Variants in TRIP4 observed in about 807,000 individuals in gnomAD.
The protein encoded by TRIP4 is thyroid hormone receptor interactor 4.
In TRIP4, 54 loss-of-function variants were observed where a neutral mutation model predicts 81.8. The ratio of observed to expected loss-of-function variants is 0.66; its 90% CI spans 0.53 to 0.83. TRIP4 has a LOEUF of 0.83. Ranked by LOEUF, TRIP4 falls within the 40% of genes least tolerant of loss-of-function variation. The probability of loss-of-function intolerance (pLI) is 0.00; values close to 1 mark genes in which losing one functional copy is unlikely to be tolerated. For synonymous variants in TRIP4, 270 were observed against 242.8 expected, an observed-to-expected ratio of 1.11 and a Z score of -1.04; for missense variants, 662 against 683.6, an observed-to-expected ratio of 0.97 and a Z score of 0.35.
chr15:64,409,918 G>C, intron 7 of TRIP4, 90 bp downstream of exon 7: 2 of 1,202,362 alleles, frequency 1.7e-6, no homozygotes, highest in South Asian at 1.5e-5. Flanking sequence ...TATTTTTGTT[G>C]ATTTAAAAAA....
At chr15:64,452,356 T>C (rs921555486) in intron 12 of TRIP4, among the ~76,000 whole-genome samples, 8 of 152,216 alleles carry the variant, frequency 5.3e-5, no homozygotes, top group South Asian at 4.1e-4. Flanking sequence ...ATATGCCTCA[T>C]TGGAGCATTT....
chr15:64,407,527 C>G (rs939494243), intron 6 of TRIP4, among the ~76,000 whole-genome samples: 1 of 151,898 alleles, frequency 6.6e-6, no homozygotes, highest in African/African-American at 2.4e-5. Flanking sequence ...ATTAGCCAAG[C>G]GTGGTGGCAG....
intron 3 of TRIP4, among the ~76,000 whole-genome samples, chr15:64,397,293 ATC>A (rs963016775): frequency 2.0e-5 from 3 of 152,094 alleles, no homozygotes; most frequent in South Asian, 2.1e-4. Flanking sequence ...GTTTCTTATG[ATC>A]TCCAATTTAG....
intron 1 of TRIP4, among the ~76,000 whole-genome samples, chr15:64,392,925 C>G (rs1160807215): frequency 1.3e-5 from 2 of 152,082 alleles, no homozygotes; most frequent in African/African-American, 2.4e-5. Context: ...AGAATATTCT[C>G]TTAGTGAGGC....
intron 11 of TRIP4, 137 bp downstream of exon 11, chr15:64,425,768 G>T: frequency 1.7e-6 from 1 of 591,216 alleles, no homozygotes; most frequent in Non-Finnish European, 2.8e-6. Flanking sequence ...CCAGCCTGGT[G>T]CATATAAATA....
At chr15:64,436,546 G>A (rs976631174) in intron 11 of TRIP4, among the ~76,000 whole-genome samples, 5 of 151,624 alleles carry the variant, frequency 3.3e-5, no homozygotes, top group African/African-American at 1.2e-4. Flanking sequence ...AGCTGAGATC[G>A]CGCTACTGCA....
At chr15:64,419,789 C>A (rs1465283622) in intron 9 of TRIP4, among the ~76,000 whole-genome samples, 2 of 152,022 alleles carry the variant, frequency 1.3e-5, no homozygotes, top group African/African-American at 4.8e-5. Flanking sequence ...CACCAAGAAA[C>A]CGCTGTTATT....
In TRIP4 at chr15:64,425,563, C is replaced by T; in HGVS notation, c.1507C>T (p.Pro503Ser). 6.2e-7 allele frequency: 1 copy of T among 1,611,746 alleles called. No homozygotes were observed. ...GKDVEFPNDYPSGCLLGCVDL... is the reference protein window; with the variant it reads ...GKDVEFPNDYSSGCLLGCVDL... Reference sequence around the variant, plus strand: ...AGATGTGGAATTTCCTAATGACTATCCGTCAGGTTGTCTTCTGGGCTGTGT... The same window carrying T: ...AGATGTGGAATTTCCTAATGACTATTCGTCAGGTTGTCTTCTGGGCTGTGT... Residue 503 changes from proline (P) to serine (S), a missense_variant, in exon 11 of 13, where the codon CCG becomes TCG. By Grantham distance (74) the Pro-to-Ser change is moderately conservative. Transcript: ENST00000261884.
chr15:64,419,316 AATAG>A (rs1596348311), intron 9 of TRIP4, among the ~76,000 whole-genome samples: 1 of 152,234 alleles, frequency 6.6e-6, no homozygotes, highest in East Asian at 1.9e-4. Context: ...AATAATATTT[AATAG>A]CTTACTATTC....
At chr15:64,444,506 T>C (rs55669608) in intron 11 of TRIP4, among the ~76,000 whole-genome samples, 3,060 of 152,346 alleles carry the variant, frequency 0.02, 108 homozygotes, top group African/African-American at 0.07. Flanking sequence ...AGCTTTTGCA[T>C]GTTCATACCT....
At chr15:64,402,203 C>T (rs990021271) in intron 5 of TRIP4, among the ~76,000 whole-genome samples, 2 of 151,718 alleles carry the variant, frequency 1.3e-5, no homozygotes, top group African/African-American at 2.4e-5. Flanking sequence ...TTGAAACACA[C>T]CTGACAAAAA....
intron 11 of TRIP4, among the ~76,000 whole-genome samples, chr15:64,435,944 C>T (rs2140307906): frequency 6.9e-6 from 1 of 144,748 alleles, no homozygotes; most frequent in South Asian, 2.2e-4. Context: ...CTTCAATAAA[C>T]CATTCTACAT....
chr15:64,425,452 A>T, intron 10 of TRIP4, 88 bp from the exon 11 acceptor site: 1 of 1,113,756 alleles, frequency 9.0e-7, no homozygotes, highest in South Asian at 1.4e-5. Flanking sequence ...AAAGTTATTA[A>T]TGTTTGTTCA....
rs1022180498 is a variant in TRIP4 at position 64,397,623 on chromosome 15, C to A, written c.423C>A (p.Asn141Lys). 1 of 1,612,332 alleles carries A rather than the reference C, an allele frequency of 6.2e-7. No homozygotes were observed. The highest frequency in any genetic ancestry group is 8.5e-7 in the Non-Finnish European group (1 of 1,178,430). ...TACGATAGGCACAAGAGAACAGCAA[C>A]TCCGTAAAGAAGAAGACAAAGTTTG... ...FDLAKAQENS[N>K]SVKKKTKFVN... The change falls in exon 4 of 13, where the codon AAC (asparagine) becomes AAA (lysine). Residue 141 changes from asparagine to lysine, a missense_variant. Transcript: ENST00000261884.
chr15:64,427,527 C>T (rs1892175302), intron 11 of TRIP4, among the ~76,000 whole-genome samples: 2 of 152,052 alleles, frequency 1.3e-5, no homozygotes, highest in Admixed American at 6.6e-5. Flanking sequence ...GGCACCACAC[C>T]ACCATGCCCA....
Position 64,406,356 on chromosome 15 carries a change from A to C in TRIP4, c.724A>C (p.Ile242Leu). Residue 242 changes from isoleucine (I) to leucine (L), a missense_variant, in exon 6 of 13, where the codon ATC (isoleucine) becomes CTC (leucine). Coordinates refer to ENST00000261884, the MANE Select transcript of TRIP4 (RefSeq NM_016213.5). ...AGTGGAGAATTCTGGAAAGGTGGAC[A>C]TCTCTACCAAGGACCTTCTTCCTCA... ...SGVENSGKVDISTKDLLPHQE... is the reference protein window; with the variant it reads ...SGVENSGKVDLSTKDLLPHQE... 1 of 1,614,138 alleles carries C rather than the reference A, an allele frequency of 6.2e-7. No individual in the cohort carries two copies. Among genetic ancestry groups the C allele is most frequent in the Non-Finnish European group, 8.5e-7 (1 of 1,180,014 alleles).
intron 1 of TRIP4, among the ~76,000 whole-genome samples, chr15:64,391,387 C>T (rs865843742): frequency 5.9e-5 from 9 of 151,858 alleles, no homozygotes; most frequent in African/African-American, 9.7e-5. Flanking sequence ...GGTCTCCTGA[C>T]CTCGTGGTCT....
chr15:64,393,859 G>T, intron 1 of TRIP4, 87 bp from the exon 2 acceptor site: 1 of 1,315,542 alleles, frequency 7.6e-7, no homozygotes. Flanking sequence ...TTAATGAATG[G>T]TTTTTACTAC....
chr15:64,434,484 A>G lies in TRIP4; in HGVS notation c.1575+8853A>G, dbSNP rs555080955. Among the ~76,000 whole-genome samples the G allele has an allele frequency of 3.3e-5, 5 of 152,146 alleles. No individual in the cohort carries two copies. The East Asian group carries it at 7.7e-4, about 24-fold the overall frequency. ...GATAGGCATTCAAATCTATCAAATG[A>G]TAGACATATCAGTTGTGGGATGGGA... On this transcript the variant is annotated intron_variant, in intron 11 of 12. Transcript: ENST00000261884.
Sources: gnomAD v4.1 joint callset for allele counts (sites outside exome capture counted in the v4.1 genomes callset) on GRCh38, gnomAD v4.1.1 for gene constraint, MANE v1.5 for transcripts, NCBI Gene and HGNC (gene_info 2026-07-23, HGNC 2026-07-21) for gene names.